The following CTCF variants were observed in gnomAD, a reference collection of about 807,000 sequenced individuals.
CTCF encodes CCCTC-binding factor.
A neutral mutation model predicts 72.3 loss-of-function variants in CTCF; 7 were observed. The observed-to-expected ratio is 0.10, with a 90% CI of 0.06 to 0.18. CTCF has a LOEUF of 0.18. Ranked by LOEUF, CTCF falls within the 10% of genes least tolerant of loss-of-function variation. The pLI is 1.00. For synonymous variants in CTCF, 374 were observed against 315.8 expected (o/e 1.18, Z -1.95); for missense variants, 516 against 949.1 (o/e 0.54, Z 6.00).
chr16:67,617,850 CAGAG>C (rs914997753), intron 5 of CTCF, among the ~76,000 whole-genome samples: 12 of 152,252 alleles, frequency 7.9e-5, no homozygotes, highest in African/African-American at 2.9e-4. Context: ...AACTTACCCT[CAGAG>C]AGAAGCAAAA....
intron 2 of CTCF, among the ~76,000 whole-genome samples, chr16:67,572,265 TTC>T (rs756242453): frequency 2.6e-5 from 4 of 152,220 alleles, no homozygotes; most frequent in Non-Finnish European, 4.4e-5. Flanking sequence ...TGTGGTAGTA[TTC>T]TGTCACTCCA....
intron 2 of CTCF, among the ~76,000 whole-genome samples, chr16:67,610,159 A>G (rs1294689698): frequency 1.3e-5 from 2 of 152,102 alleles, no homozygotes; most frequent in Non-Finnish European, 2.9e-5. Context: ...ATCTATTTGC[A>G]GAAGAACCTG....
chr16:67,567,692 G>A (rs1443716094), intron 1 of CTCF, among the ~76,000 whole-genome samples: 1 of 151,754 alleles, frequency 6.6e-6, no homozygotes, highest in East Asian at 1.9e-4. Context: ...CTGGGCTCAA[G>A]CAGTCTTCCT....
At chr16:67,623,344 AAAAT>A (rs900990186) in intron 7 of CTCF, 18 of 152,172 alleles carry the variant, frequency 1.2e-4, no homozygotes, top group African/African-American at 3.9e-4. Flanking sequence ...TCCTACTTAA[AAAAT>A]AAAGACAAAG....
intron 10 of CTCF, 86 bp from the exon 11 acceptor site, chr16:67,636,595 AAAACAAGAC>A: frequency 2.0e-6 from 1 of 506,586 alleles, no homozygotes. Context: ...ATATATTTAT[AAAACAAGAC>A]TTCAAATAAT....
chr16:67,597,776 C>G (rs1423696405), intron 2 of CTCF, among the ~76,000 whole-genome samples: 1 of 152,176 alleles, frequency 6.6e-6, no homozygotes, highest in East Asian at 1.9e-4. Context: ...TTTAAAATGA[C>G]AGCTTTTTAT....
At chr16:67,586,443 A>G (rs947468811) in intron 2 of CTCF, among the ~76,000 whole-genome samples, 1 of 151,676 alleles carries the variant, frequency 6.6e-6, no homozygotes, top group South Asian at 2.1e-4. Context: ...AGGCTGAGGC[A>G]GAGAATTGCT....
intron 4 of CTCF, chr16:67,612,461 G>A (rs2052073320): frequency 5.6e-6 from 1 of 177,162 alleles, no homozygotes; most frequent in Non-Finnish European, 1.2e-5. Flanking sequence ...GTGGTGGTGG[G>A]CGCCTGTAGT....
chr16:67,611,264 A>C lies in CTCF; in HGVS notation c.432A>C (p.Lys144Asn). ...LQGAYENEVS[K>N]EGLAESEPMI... ...GGGCTTATGAAAATGAAGTGTCTAA[A>C]GAGGGCCTTGCGGAAAGTGAACCCA... The change falls in exon 3 of 12, where the codon AAA becomes AAC. Residue 144 changes from lysine (K) to asparagine (N), a missense_variant. Coordinates refer to ENST00000264010, the MANE Select transcript of CTCF (RefSeq NM_006565.4). 6.2e-7 allele frequency: 1 copy of C among 1,614,192 alleles called. No homozygotes were observed. The highest frequency in any genetic ancestry group is 1.3e-5 in the African/African-American group (1 of 75,034).
At position 67,628,417 on chromosome 16, in the gene CTCF, T is replaced by G; in HGVS notation, c.1566T>G (p.Pro522=). The change falls in exon 9 of 12, where the codon CCT becomes CCG. Residue 522 remains proline, a synonymous_variant. Transcript: ENST00000264010. ...MHKRTHTGEK[P]YACSHCDKTF... ...AGCGCACCCACACCGGGGAGAAGCC[T>G]TACGCCTGCAGCCACTGCGATAAGA... is the stretch of plus-strand genomic sequence containing the variant. 6.2e-7 allele frequency: 1 copy of G among 1,614,184 alleles called. No homozygotes were observed.
intron 2 of CTCF, among the ~76,000 whole-genome samples, chr16:67,580,254 G>T (rs2051561145): frequency 6.6e-6 from 1 of 152,154 alleles, no homozygotes; most frequent in Non-Finnish European, 1.5e-5. Context: ...CTGTTGCCCA[G>T]GCTAGAGTGC....
chr16:67,629,374 A>G (rs780152635), intron 9 of CTCF, 24 bp from the exon 10 acceptor site: 1 of 1,584,956 alleles, frequency 6.3e-7, no homozygotes, highest in Non-Finnish European at 8.6e-7. Flanking sequence ...GTGGTGTGAA[A>G]GAGGATTTTG....
chr16:67,588,492 C>T (rs567460736), intron 2 of CTCF, among the ~76,000 whole-genome samples: 1 of 152,024 alleles, frequency 6.6e-6, no homozygotes, highest in South Asian at 2.1e-4. Context: ...GAAAGTGAAG[C>T]TTAGGTTACT....
chr16:67,628,093 T>C (rs1382355380), intron 8 of CTCF, among the ~76,000 whole-genome samples: 1 of 151,454 alleles, frequency 6.6e-6, no homozygotes, highest in Admixed American at 6.6e-5. Context: ...AGACTCCGTC[T>C]CAAAAAAAAA....
At chr16:67,580,681 C>A (rs1158340494) in intron 2 of CTCF, among the ~76,000 whole-genome samples, 2 of 151,764 alleles carry the variant, frequency 1.3e-5, no homozygotes, top group Non-Finnish European at 2.9e-5. Context: ...CCTGCCTCGG[C>A]CTCCAGAGTA....
chr16:67,600,228 A>ATTATTTTTT (rs539175159), intron 2 of CTCF, among the ~76,000 whole-genome samples: 6 of 151,766 alleles, frequency 4.0e-5, no homozygotes, highest in African/African-American at 7.3e-5. Context: ...ATTTAAATTT[A>ATTATTTTTT]TTATTTTTTT....
rs754299452 is a variant in CTCF at position 67,611,540 on chromosome 16, G to A, written c.708G>A (p.Leu236=). The A allele has an allele frequency of 2.5e-6, 4 of 1,614,226 alleles. No individual in the cohort carries two copies. Among genetic ancestry groups the A allele is most frequent in the Middle Eastern group, 1.6e-4 (1 of 6,062 alleles). Residue 236 remains leucine (L), a synonymous_variant, in exon 3 of 12, where the codon CTG becomes CTA. Transcript: ENST00000264010. ...YDFEEEQQEG[L]LSEVNAEKVV... ...TTGAGGAAGAACAGCAGGAGGGTCT[G>A]CTATCAGAGGTTAATGCAGAGAAAG...
chr16:67,584,334 C>CGTCTTTTTTTTTTTTTTT (rs1567596519), intron 2 of CTCF, among the ~76,000 whole-genome samples: 6 of 121,928 alleles, frequency 4.9e-5, no homozygotes, highest in African/African-American at 1.8e-4. Flanking sequence ...AAAAAAAAGT[C>CGTCTTTTTTTTTTTTTTT]TTCTTTTTTT....
At chr16:67,590,027 C>G (rs2051718325) in intron 2 of CTCF, among the ~76,000 whole-genome samples, 1 of 151,916 alleles carries the variant, frequency 6.6e-6, no homozygotes, top group Non-Finnish European at 1.5e-5. Context: ...GCGGCCGTTG[C>G]AGTGAGCCAA....
Sources: allele counts gnomAD v4.1 joint callset (sites outside exome capture counted in the v4.1 genomes callset), GRCh38; gene constraint gnomAD v4.1.1; transcripts MANE v1.5; gene names NCBI Gene and HGNC (gene_info 2026-07-23, HGNC 2026-07-21).